The following EIF2D variants were observed in gnomAD, a reference collection of about 807,000 sequenced individuals.
EIF2D encodes eukaryotic translation initiation factor 2D.
Under a neutral mutation model 77.4 loss-of-function variants are expected in EIF2D, and 56 were observed. The observed-to-expected ratio is 0.72, with a 90% CI of 0.58 to 0.90. The LOEUF (loss-of-function observed/expected upper bound fraction) is 0.90. Among genes scored for constraint, EIF2D ranks in the 40% least tolerant of loss-of-function variants. The probability of loss-of-function intolerance (pLI) is 0.00; values close to 1 mark genes in which losing one functional copy is unlikely to be tolerated. For missense variants in EIF2D, 574 were observed against 706.5 expected (o/e 0.81, Z 2.13); for synonymous variants, 230 against 271.0 (o/e 0.85, Z 1.49).
In EIF2D at chr1:206,591,850, A is replaced by C; in HGVS notation, c.1685-5T>G. 2 of 1,614,082 alleles carry C rather than the reference A, an allele frequency of 1.2e-6. No individual in the cohort carries two copies. Among genetic ancestry groups the C allele is most frequent in the Non-Finnish European group, 1.7e-6 (2 of 1,180,014 alleles). ...TTCGAGGGAGCTGATACTCTTCTAC[A>C]ATCCAAAAAGCACACACTCCTCAGC... On this transcript the variant is annotated splice_polypyrimidine_tract_variant and splice_region_variant and intron_variant, in intron 14 of 14. Coordinates refer to ENST00000271764, the MANE Select transcript of EIF2D (RefSeq NM_006893.3).
rs530004180 is a variant in EIF2D, at chr1:206,597,980, T to A, written c.1293-785A>T. Among the ~76,000 whole-genome samples the A allele has an allele frequency of 3.9e-5, 6 of 152,140 alleles. No individual in the cohort carries two copies. In the South Asian group the frequency reaches 1.2e-3, roughly 32 times the overall value. ...AATAAAACATAAAATAAAATGAAGG[T>A]ATTAGATTAGGCTGGTATGTCTCAA... On this transcript the variant is annotated intron_variant, in intron 11 of 14. Transcript: ENST00000271764.
chr1:206,597,303 G>T, intron 11 of EIF2D, 108 bp from the exon 12 acceptor site: 1 of 766,580 alleles, frequency 1.3e-6, no homozygotes, highest in Non-Finnish European at 2.2e-6. Context: ...TTCAGGATAT[G>T]AATCAATTAT....
chr1:206,610,867 A>G (rs1324987695), intron 2 of EIF2D, among the ~76,000 whole-genome samples: 1 of 152,168 alleles, frequency 6.6e-6, no homozygotes, highest in African/African-American at 2.4e-5. Flanking sequence ...CCTCTGCTCT[A>G]TTCCTAGTCA....
chr1:206,591,540 C>G (rs1336590789), downstream of EIF2D: 1 of 561,652 alleles, frequency 1.8e-6, no homozygotes, highest in Non-Finnish European at 3.2e-6. Flanking sequence ...ACCACATGGA[C>G]AGAATGGCAG....
At chr1:206,575,971 C>G (rs888890360) in intron 4 of EIF2D, among the ~76,000 whole-genome samples, 2 of 152,154 alleles carry the variant, frequency 1.3e-5, no homozygotes, top group Non-Finnish European at 2.9e-5. Flanking sequence ...GCCTGAGACT[C>G]CCCAGGCTGT....
downstream of EIF2D, chr1:206,586,817 G>A (rs191375764): frequency 3.9e-4 from 630 of 1,610,334 alleles, 1 homozygote; most frequent in Admixed American, 8.5e-4. Context: ...TCTCCCTCTC[G>A]CCTCACAGTG....
chr1:206,585,875 G>A (rs915969541), intron 2 of EIF2D: 2 of 152,398 alleles, frequency 1.3e-5, no homozygotes, highest in East Asian at 1.9e-4. Context: ...GAGTCACTGC[G>A]GAGATTTAGG....
Position 206,593,508 on chromosome 1 carries a change from A to AGTGTGTGT in EIF2D, c.1684+103_1684+110dup, listed in dbSNP as rs782562616. 1.1e-3 allele frequency: 460 copies of AGTGTGTGT among 401,334 alleles called. 1 individual carries two copies. Among genetic ancestry groups the AGTGTGTGT allele is most frequent in the South Asian group, 3.8e-3 (83 of 21,942 alleles). 24.9% of individuals were successfully genotyped at this position (401,334 alleles called of 1,614,324 possible). A position where few individuals can be genotyped will look rare whatever the true frequency, so the allele number is the denominator to read the frequency against. ...GAGAGCGAGAGAGAGAGAGAGAGAG[A>AGTGTGTGT]GTGTGTGTGTGTGTGTGTGTGTGTG... is the stretch of plus-strand genomic sequence containing the variant. On this transcript the variant is annotated intron_variant, in intron 14 of 14. Coordinates refer to ENST00000271764, the MANE Select transcript of EIF2D (RefSeq NM_006893.3).
chr1:206,572,072 G>A (rs1668471434), intron 5 of EIF2D, among the ~76,000 whole-genome samples: 1 of 152,192 alleles, frequency 6.6e-6, no homozygotes, highest in South Asian at 2.1e-4. Flanking sequence ...CTCATCTGGT[G>A]TTCAGTAGTC....
intron 2 of EIF2D, chr1:206,583,619 ACTC>A (rs1668982921): frequency 4.1e-6 from 2 of 489,792 alleles, no homozygotes; most frequent in African/African-American, 2.0e-5. Flanking sequence ...AGCTCTTTTA[ACTC>A]CTCCTCTGAG....
Position 206,609,475 on chromosome 1 carries a change from TC to T in EIF2D, c.248-17del. Reference sequence around the variant, plus strand: ...AGCGTGTACACTGTACAAAAAGAGATCCAGAAAACACTACTACCAAAAAGCC... The same window carrying T: ...AGCGTGTACACTGTACAAAAAGAGATCAGAAAACACTACTACCAAAAAGCC... On this transcript the variant is annotated splice_polypyrimidine_tract_variant and intron_variant, in intron 2 of 14. Coordinates refer to ENST00000271764, the MANE Select transcript of EIF2D (RefSeq NM_006893.3). The T allele has an allele frequency of 6.2e-7, 1 of 1,603,918 alleles. No individual in the cohort carries two copies. Among genetic ancestry groups the T allele is most frequent in the South Asian group, 1.1e-5 (1 of 89,166 alleles).
Position 206,583,349 on chromosome 1 carries a change from G to A in EIF2D, c.139-2187C>T, listed in dbSNP as rs782460962. On this transcript the variant is annotated intron_variant and NMD_transcript_variant, in intron 2 of 5. Transcript: ENST00000472709. The stretch of plus-strand genomic sequence containing the variant: ...AGCAGAAGATCGACAGCTACAACAC[G>A]CGAGAGAAGAACTGCCTGGGCATGA... The A allele has an allele frequency of 1.6e-4, 252 of 1,613,722 alleles. 3 individuals carry two copies. In the South Asian group the frequency reaches 2.3e-3, roughly 15 times the overall value.
At chr1:206,600,402 TC>T in intron 7 of EIF2D, 94 bp from the exon 8 acceptor site, 1 of 1,163,128 alleles carries the variant, frequency 8.6e-7, no homozygotes, top group Non-Finnish European at 1.3e-6. Context: ...TCAGCCTTCC[TC>T]CCCCACCTTC....
intron 5 of EIF2D, chr1:206,604,879 A>C (rs782162726): frequency 6.6e-6 from 1 of 152,258 alleles, no homozygotes; most frequent in Non-Finnish European, 1.5e-5. Context: ...CAAGAAAATA[A>C]CCAGAAAATG....
At chr1:206,598,935 C>A in intron 11 of EIF2D, 68 bp downstream of exon 11, 3 of 1,488,766 alleles carry the variant, frequency 2.0e-6, no homozygotes, top group African/African-American at 2.8e-5. Flanking sequence ...ACATCCTCCC[C>A]AAATGTGTCT....
chr1:206,596,996 A>C, intron 12 of EIF2D, 104 bp downstream of exon 12: 1 of 861,258 alleles, frequency 1.2e-6, no homozygotes, highest in Non-Finnish European at 1.9e-6. Context: ...TGAATTACAG[A>C]AAGAAAATCA....
chr1:206,583,605 G>A (rs1209678361), intron 2 of EIF2D: 2 of 519,168 alleles, frequency 3.9e-6, no homozygotes, highest in East Asian at 6.8e-5. Context: ...TTGTGATTTT[G>A]GGAAGCTCTT....
chr1:206,598,376 G>T (rs1669751208), intron 11 of EIF2D, among the ~76,000 whole-genome samples: 1 of 152,120 alleles, frequency 6.6e-6, no homozygotes, highest in Non-Finnish European at 1.5e-5. Flanking sequence ...CTCTTCATCT[G>T]GTAGTTTACC....
chr1:206,602,184 A>T (rs1254004745), intron 7 of EIF2D, 152 bp downstream of exon 7: 2 of 582,664 alleles, frequency 3.4e-6, no homozygotes, highest in African/African-American at 3.8e-5. Context: ...AGAACCCAGG[A>T]ACTAATGTAT....
Sources: allele counts gnomAD v4.1 joint callset (sites outside exome capture counted in the v4.1 genomes callset), GRCh38; gene constraint gnomAD v4.1.1; transcripts MANE v1.5; gene names NCBI Gene and HGNC (gene_info 2026-07-23, HGNC 2026-07-21).